The following PTPRD variants were observed in gnomAD, a reference collection of about 807,000 sequenced individuals.
The protein encoded by PTPRD is protein tyrosine phosphatase receptor type D.
A neutral mutation model predicts 214.5 loss-of-function variants in PTPRD; 34 were observed. That is an observed-to-expected ratio of 0.16 (90% CI 0.12 to 0.21). The LOEUF (loss-of-function observed/expected upper bound fraction) is 0.21, where lower values mean the gene tolerates loss of function less well. PTPRD is among the 10% of genes least tolerant of loss of function. The pLI is 1.00. For synonymous variants in PTPRD, 1,128 were observed against 845.7 expected (o/e 1.33, Z -5.79); for missense variants, 2,545 against 2,398.7 (o/e 1.06, Z -1.27).
intron 3 of PTPRD, among the ~76,000 whole-genome samples, chr9:10,258,549 C>A (rs936497341): frequency 2.0e-5 from 3 of 152,128 alleles, no homozygotes; most frequent in Admixed American, 2.0e-4. Flanking sequence ...TTTAGCAATT[C>A]TTGTAAAAAT....
In PTPRD at chr9:8,636,808, G is replaced by C. The variant is rs149272663; in HGVS notation, c.101C>G (p.Thr34Arg). The C allele has an allele frequency of 5.0e-6, 8 of 1,614,026 alleles. No homozygotes were observed. In the African/African-American group the frequency reaches 1.1e-4, roughly 22 times the overall value. ...AGAGGCAACTCCGCCAGAGACCCCTGTCTGATCAACGGGTGTTCGTGTAAA... is the reference window on the plus strand; with the variant it reads ...AGAGGCAACTCCGCCAGAGACCCCTCTCTGATCAACGGGTGTTCGTGTAAA... Reference protein sequence around the residue: ...PRFTRTPVDQTGVSGGVASFI... With the variant: ...PRFTRTPVDQRGVSGGVASFI... The change falls in exon 13 of 46, where the codon ACA (threonine) becomes AGA (arginine). Residue 34 changes from threonine to arginine, a missense_variant. By Grantham distance (71) the Thr-to-Arg change is moderately conservative (BLOSUM62 -1). Coordinates refer to ENST00000381196, the MANE Select transcript of PTPRD (RefSeq NM_002839.4).
chr9:8,649,941 A>C (rs551783859), intron 12 of PTPRD, among the ~76,000 whole-genome samples: 1 of 152,172 alleles, frequency 6.6e-6, no homozygotes, highest in Non-Finnish European at 1.5e-5. Flanking sequence ...TTGTTGAGAC[A>C]GGGTTTTACT....
At chr9:9,568,273 A>G (rs186043017) in intron 8 of PTPRD, among the ~76,000 whole-genome samples, 11 of 152,038 alleles carry the variant, frequency 7.2e-5, no homozygotes, top group Admixed American at 5.3e-4. Flanking sequence ...CATAGTGCAC[A>G]TCCTTCTTGT....
chr9:9,758,003 G>C lies in PTPRD; in HGVS notation c.-326+8807C>G, dbSNP rs1335010698. Among the ~76,000 whole-genome samples, 4 of 152,076 alleles carry C rather than the reference G, an allele frequency of 2.6e-5. No individual in the cohort carries two copies. The South Asian group carries it at 8.3e-4, about 32-fold the overall frequency. On this transcript the variant is annotated intron_variant, in intron 6 of 45. Coordinates refer to ENST00000381196, the MANE Select transcript of PTPRD (RefSeq NM_002839.4). ...ACTTATCAGTGCTTACATTTGGATA[G>C]TTCCACTGCCATATCTGCCGGTGAG...
chr9:8,997,853 T>C (rs1649420269), intron 11 of PTPRD, among the ~76,000 whole-genome samples: 1 of 152,058 alleles, frequency 6.6e-6, no homozygotes, highest in Admixed American at 6.6e-5. Flanking sequence ...ACACAAATGA[T>C]AAGAAAGTGA....
chr9:9,585,451 T>C (rs556379065), intron 7 of PTPRD, among the ~76,000 whole-genome samples: 1 of 152,198 alleles, frequency 6.6e-6, no homozygotes, highest in African/African-American at 2.4e-5. Context: ...CTGGCCTAGG[T>C]GCTACTTTCC....
intron 14 of PTPRD, among the ~76,000 whole-genome samples, chr9:8,598,752 G>C (rs911438650): frequency 6.6e-6 from 1 of 152,078 alleles, no homozygotes; most frequent in Non-Finnish European, 1.5e-5. Flanking sequence ...ATTTGTAAAG[G>C]AAACCACTGT....
chr9:8,848,236 C>G lies in PTPRD; in HGVS notation c.-103-114290G>C, dbSNP rs141287539. On this transcript the variant is annotated intron_variant, in intron 11 of 45. Transcript: ENST00000381196. ...ATGTTTTTTTCAATGCCTCCAGTCCCAAGCAGAGAAAGGAACAGAAGATAC... is the reference window on the plus strand; with the variant it reads ...ATGTTTTTTTCAATGCCTCCAGTCCGAAGCAGAGAAAGGAACAGAAGATAC... Among the ~76,000 whole-genome samples the G allele has an allele frequency of 5.3e-4, 80 of 150,566 alleles. 2 individuals are homozygous for G. Among genetic ancestry groups the G allele is most frequent in the African/African-American group, 1.9e-3 (77 of 41,018 alleles).
In PTPRD at chr9:9,846,015, C is replaced by T. The variant is rs1599593066; in HGVS notation, c.-367-79164G>A. Among the ~76,000 whole-genome samples, 4 of 152,206 alleles carry T rather than the reference C, an allele frequency of 2.6e-5. No individual in the cohort carries two copies. The South Asian group carries it at 8.3e-4, about 32-fold the overall frequency. On this transcript the variant is annotated intron_variant, in intron 5 of 45. Coordinates refer to ENST00000381196, the MANE Select transcript of PTPRD (RefSeq NM_002839.4). ...CTAAGGCGGGCAGGATATTAATCTA[C>T]TTTTGTCTTGAGAAAGAGTAATTCC...
chr9:10,406,310 G>T (rs1319157603), intron 2 of PTPRD, among the ~76,000 whole-genome samples: 1 of 151,326 alleles, frequency 6.6e-6, no homozygotes, highest in Non-Finnish European at 1.5e-5. Flanking sequence ...CATATAACCA[G>T]ATTTAATTAT....
At chr9:10,255,804 T>A (rs2093214250) in intron 3 of PTPRD, among the ~76,000 whole-genome samples, 1 of 152,194 alleles carries the variant, frequency 6.6e-6, no homozygotes, top group African/African-American at 2.4e-5. Flanking sequence ...AATTTTTTAG[T>A]CATTATTACT....
At chr9:9,119,460 G>A (rs1478704937) in intron 10 of PTPRD, among the ~76,000 whole-genome samples, 1 of 152,006 alleles carries the variant, frequency 6.6e-6, no homozygotes, top group Admixed American at 6.6e-5. Flanking sequence ...TCCAGGCACA[G>A]AATCAGAATC....
intron 7 of PTPRD, among the ~76,000 whole-genome samples, chr9:9,676,693 A>G (rs1376299215): frequency 6.6e-6 from 1 of 152,100 alleles, no homozygotes; most frequent in Non-Finnish European, 1.5e-5. Context: ...ATCCCTGAGG[A>G]ATCGCCACAC....
chr9:9,064,571 C>G (rs1468732485), intron 10 of PTPRD, among the ~76,000 whole-genome samples: 1 of 152,130 alleles, frequency 6.6e-6, no homozygotes, highest in Non-Finnish European at 1.5e-5. Context: ...TGGCATACAA[C>G]ATCAAGGGAT....
chr9:9,716,304 T>C (rs7031025), intron 7 of PTPRD, among the ~76,000 whole-genome samples: 118,438 of 151,294 alleles, frequency 0.78, 47,198 homozygotes, highest in African/African-American at 0.93. Flanking sequence ...AATAGTGCTG[T>C]AATAAACATA....
At chr9:10,181,701 C>T (rs191657338) in intron 3 of PTPRD, among the ~76,000 whole-genome samples, 143 of 151,176 alleles carry the variant, frequency 9.5e-4, no homozygotes, top group Middle Eastern at 3.4e-3. Flanking sequence ...TAAGTGATGG[C>T]CTAAAAACAT....
intron 9 of PTPRD, among the ~76,000 whole-genome samples, chr9:9,289,530 C>T (rs1950511755): frequency 6.6e-6 from 1 of 151,774 alleles, no homozygotes; most frequent in Admixed American, 6.6e-5. Flanking sequence ...AACAATACAG[C>T]ATAATTAACT....
At chr9:9,230,674 A>G (rs6477375) in intron 9 of PTPRD, among the ~76,000 whole-genome samples, 74,316 of 151,896 alleles carry the variant, frequency 0.49, 18,619 homozygotes, top group Non-Finnish European at 0.55. Flanking sequence ...GAGTTGGAGA[A>G]TTGCTTGGTA....
At chr9:8,931,136 G>C (rs1016220211) in intron 11 of PTPRD, among the ~76,000 whole-genome samples, 1 of 152,002 alleles carries the variant, frequency 6.6e-6, no homozygotes, top group South Asian at 2.1e-4. Flanking sequence ...ATTAATTTTT[G>C]TATAAGGTGT....
Sources: allele counts gnomAD v4.1 joint callset (sites outside exome capture counted in the v4.1 genomes callset), GRCh38; gene constraint gnomAD v4.1.1; transcripts MANE v1.5; gene names NCBI Gene and HGNC (gene_info 2026-07-23, HGNC 2026-07-21).